The following TULP4 variants were observed in gnomAD, a reference collection of about 807,000 sequenced individuals.
The protein encoded by TULP4 is tubby-related protein 4.
A neutral mutation model predicts 129.0 loss-of-function variants in TULP4; 16 were observed. That is an observed-to-expected ratio of 0.12 (90% CI 0.08 to 0.19). The LOEUF (loss-of-function observed/expected upper bound fraction) is 0.19. Among genes scored for constraint, TULP4 ranks in the 10% least tolerant of loss-of-function variants. TULP4 has a pLI of 1.00. For missense variants in TULP4, 1,842 were observed against 2,059.1 expected (o/e 0.89, Z 2.04); for synonymous variants, 998 against 854.0 (o/e 1.17, Z -2.94).
At chr6:158,250,998 C>T (rs986794381) in intron 1 of TULP4, among the ~76,000 whole-genome samples, 1 of 152,106 alleles carries the variant, frequency 6.6e-6, no homozygotes. Flanking sequence ...GAATTGGTTT[C>T]GCTCCTTTGG....
chr6:158,367,243 C>T (rs1276615646), intron 1 of TULP4, among the ~76,000 whole-genome samples: 1 of 152,126 alleles, frequency 6.6e-6, no homozygotes, highest in African/African-American at 2.4e-5. Context: ...TGTACTTTCT[C>T]TTAGGAAGTT....
chr6:158,251,391 C>T (rs1450961265), intron 1 of TULP4, among the ~76,000 whole-genome samples: 1 of 152,154 alleles, frequency 6.6e-6, no homozygotes, highest in African/African-American at 2.4e-5. Flanking sequence ...GTGAGATTTA[C>T]AAGCTTCTGC....
intron 1 of TULP4, among the ~76,000 whole-genome samples, chr6:158,291,615 T>C (rs1334001737): frequency 2.0e-5 from 3 of 152,202 alleles, no homozygotes; most frequent in African/African-American, 7.2e-5. Context: ...TTGTTATGTC[T>C]TCAGATATTT....
Position 158,237,637 on chromosome 6 carries a change from G to A in TULP4, n.68+5334G>A. The A allele has an allele frequency of 2.2e-6, 3 of 1,368,084 alleles. No individual in the cohort carries two copies. The South Asian group carries it at 3.6e-5, about 16-fold the overall frequency. The allele number at this position is 1,368,084 out of a possible 1,614,324, so 84.7% of individuals were successfully genotyped here. ...CATTGGCAGCCATCTTTCTGGATCT[G>A]GGGTAAGTTTTGGGTCATAATTCTT... On this transcript the variant is annotated intron_variant and non_coding_transcript_variant, in intron 1 of 1. Coordinates refer to the TULP4 transcript ENST00000620026.
intron 3 of TULP4, among the ~76,000 whole-genome samples, chr6:158,443,524 A>G (rs1369174899): frequency 6.6e-6 from 1 of 152,192 alleles, no homozygotes; most frequent in Non-Finnish European, 1.5e-5. Flanking sequence ...TGGAGCCTGA[A>G]AGATTTGGAG....
chr6:158,429,643 C>A, intron 2 of TULP4, 93 bp from the exon 3 acceptor site: 1 of 1,364,908 alleles, frequency 7.3e-7, no homozygotes, highest in Non-Finnish European at 9.9e-7. Context: ...TCCATCTTAG[C>A]CAAAAGTCTA....
chr6:158,297,471 G>A (rs772041884), intron 1 of TULP4, among the ~76,000 whole-genome samples: 14 of 152,070 alleles, frequency 9.2e-5, no homozygotes, highest in African/African-American at 4.8e-5. Flanking sequence ...CGAAGATAAC[G>A]GGATTAAAAG....
chr6:158,462,438 T>A (rs635097), intron 6 of TULP4, among the ~76,000 whole-genome samples: 61,988 of 149,136 alleles, frequency 0.42, 14,212 homozygotes, highest in African/African-American at 0.62. Flanking sequence ...CCGTAGCGCA[T>A]TCTTGGCTCA....
chr6:158,294,190 C>A (rs929253146), intron 1 of TULP4, among the ~76,000 whole-genome samples: 2 of 151,922 alleles, frequency 1.3e-5, no homozygotes, highest in Non-Finnish European at 2.9e-5. Context: ...ATGGTGAAAC[C>A]CTTTCTCTAC....
intron 2 of TULP4, among the ~76,000 whole-genome samples, chr6:158,420,401 G>A (rs183292797): frequency 6.6e-6 from 1 of 152,222 alleles, no homozygotes; most frequent in South Asian, 2.1e-4. Context: ...CAGGCATGAT[G>A]ATTATAGACC....
chr6:158,389,882 G>A lies in TULP4; in HGVS notation c.253-23183G>A, dbSNP rs971230333. On this transcript the variant is annotated intron_variant, in intron 1 of 13. Coordinates refer to ENST00000367097, the MANE Select transcript of TULP4 (RefSeq NM_020245.5). ...ATGCTAGGTAGTTTTATTTGATGGCGGGTGGATCACCTGAGGTCAGGAGTT... is the reference window on the plus strand; with the variant it reads ...ATGCTAGGTAGTTTTATTTGATGGCAGGTGGATCACCTGAGGTCAGGAGTT... Among the ~76,000 whole-genome samples the A allele has an allele frequency of 3.9e-5, 6 of 152,168 alleles. No individual in the cohort carries two copies. In the South Asian group the frequency reaches 8.3e-4, roughly 21 times the overall value.
rs868322273 is a variant in TULP4, at chr6:158,240,494, G to A, written n.68+8191G>A. ...AGGCTGACCCCCCCACCTCCCTCCC[G>A]GACAGGGCGGCTGGCCGGGCGGGGG... On this transcript the variant is annotated intron_variant and non_coding_transcript_variant, in intron 1 of 1. Transcript: ENST00000620026. Among the ~76,000 whole-genome samples the A allele has an allele frequency of 5.0e-4, 42 of 84,508 alleles. 7 individuals carry two copies. The Middle Eastern group carries it at 0.024, about 48-fold the overall frequency. The allele number at this position is 84,508 out of a possible 152,430, so 55.4% of individuals were successfully genotyped here. A position where few individuals can be genotyped will look rare whatever the true frequency, so the allele number is the denominator to read the frequency against.
At chr6:158,287,252 T>C (rs889227546) in intron 1 of TULP4, among the ~76,000 whole-genome samples, 1 of 152,208 alleles carries the variant, frequency 6.6e-6, no homozygotes, top group Middle Eastern at 3.2e-3. Flanking sequence ...GCCAGACATA[T>C]GCATGTGTAG....
chr6:158,423,950 C>A (rs1778414519), intron 2 of TULP4, among the ~76,000 whole-genome samples: 1 of 151,786 alleles, frequency 6.6e-6, no homozygotes, highest in Admixed American at 6.6e-5. Flanking sequence ...AACTTCTTCT[C>A]TTTGGAAGAT....
chr6:158,460,556 A>T (rs2115180207), intron 5 of TULP4, among the ~76,000 whole-genome samples: 1 of 152,356 alleles, frequency 6.6e-6, no homozygotes, highest in South Asian at 2.1e-4. Flanking sequence ...ACCTTTTAAT[A>T]ACCATTTCTT....
At chr6:158,279,473 T>C (rs1554276383), upstream of TULP4, among the ~76,000 whole-genome samples, 1 of 152,226 alleles carries the variant, frequency 6.6e-6, no homozygotes, top group Non-Finnish European at 1.5e-5. Flanking sequence ...GACGGTAATA[T>C]TCTGTTTGAC....
chr6:158,313,778 T>C lies in TULP4; in HGVS notation c.-239T>C, dbSNP rs977167347. 6 of 519,990 alleles carry C rather than the reference T, an allele frequency of 1.2e-5. No homozygotes were observed. The highest frequency in any genetic ancestry group is 3.3e-6 in the Non-Finnish European group (1 of 298,782). 32.2% of individuals were successfully genotyped at this position (519,990 alleles called of 1,614,324 possible). Reference sequence around the variant, plus strand: ...AATACAAATGGACCCCATGTTTTTTTAAGCATTACCTTTTCTTAGAAGACT... The same window carrying C: ...AATACAAATGGACCCCATGTTTTTTCAAGCATTACCTTTTCTTAGAAGACT... On this transcript the variant is annotated 5_prime_UTR_variant, in exon 1 of 14. An upstream open reading frame in the 5' UTR loses its in-frame stop. Coordinates refer to ENST00000367097, the MANE Select transcript of TULP4 (RefSeq NM_020245.5).
rs147841034 is a variant in TULP4, at chr6:158,363,100, T to C, written c.252+48832T>C. Among the ~76,000 whole-genome samples the C allele has an allele frequency of 2.5e-3, 378 of 151,188 alleles. 1 individual carries two copies. The highest frequency in any genetic ancestry group is 8.8e-3 in the African/African-American group (362 of 41,176). ...AAAAAAAAAAGTCACAGTCTTTGTATTAGGGCCAGGGAGTATTGTCCAGCT... is the reference window on the plus strand; with the variant it reads ...AAAAAAAAAAGTCACAGTCTTTGTACTAGGGCCAGGGAGTATTGTCCAGCT... On this transcript the variant is annotated intron_variant, in intron 1 of 13. Transcript: ENST00000367097.
rs117507750 is a variant in TULP4, at chr6:158,481,651, A to G, written c.1486+362A>G. The G allele has an allele frequency of 1.1e-3, 336 of 301,020 alleles. 7 individuals carry two copies. The East Asian group carries it at 0.019, about 17-fold the overall frequency. 18.6% of individuals were successfully genotyped at this position (301,020 alleles called of 1,614,324 possible). A position where few individuals can be genotyped will look rare whatever the true frequency, so the allele number is the denominator to read the frequency against. On this transcript the variant is annotated intron_variant, in intron 8 of 13. Transcript: ENST00000367097. ...TTGAGACAACTTGAAAATAATAACA[A>G]GATACAGTCCCTACCCTCCCAGAGT...
Sources: gnomAD v4.1 joint callset for allele counts (sites outside exome capture counted in the v4.1 genomes callset) on GRCh38, gnomAD v4.1.1 for gene constraint, MANE v1.5 for transcripts, NCBI Gene and HGNC (gene_info 2026-07-23, HGNC 2026-07-21) for gene names.